The following ZMPSTE24 variants were observed in gnomAD, a reference collection of about 807,000 sequenced individuals.
ZMPSTE24 encodes the protein zinc metallopeptidase STE24, also known as CAAX prenyl protease 1 homolog.
A neutral mutation model predicts 56.7 loss-of-function variants in ZMPSTE24; 48 were observed. That is an observed-to-expected ratio of 0.85 (90% CI 0.67 to 1.08). The LOEUF is 1.08. Among genes scored for constraint, ZMPSTE24 ranks in the 50% least tolerant of loss-of-function variants. The pLI, the probability that ZMPSTE24 is intolerant of heterozygous loss-of-function variation, is 0.00. For missense variants in ZMPSTE24, 503 were observed against 548.7 expected (o/e 0.92, Z 0.83); for synonymous variants, 172 against 195.2 (o/e 0.88, Z 0.99).
intron 8 of ZMPSTE24, among the ~76,000 whole-genome samples, chr1:40,287,760 C>T (rs558133722): frequency 2.6e-5 from 4 of 152,030 alleles, no homozygotes; most frequent in African/African-American, 7.2e-5. Context: ...TTCCTCTTCT[C>T]GGTTCTAGAA....
chr1:40,259,845 C>T (rs1040119157), intron 1 of ZMPSTE24, among the ~76,000 whole-genome samples: 2 of 151,848 alleles, frequency 1.3e-5, no homozygotes, highest in Non-Finnish European at 2.9e-5. Context: ...GTCATCTTGC[C>T]GCCTCCACCT....
At chr1:40,281,564 T>G in intron 7 of ZMPSTE24, 37 bp downstream of exon 7, 1 of 1,594,844 alleles carries the variant, frequency 6.3e-7, no homozygotes. Flanking sequence ...TACCTTAGTT[T>G]TTATACACAG....
intron 9 of ZMPSTE24, among the ~76,000 whole-genome samples, chr1:40,291,880 TC>T (rs1643847623): frequency 6.7e-6 from 1 of 149,346 alleles, no homozygotes; most frequent in African/African-American, 2.5e-5. Context: ...TCGCTCTGTC[TC>T]CCAGGCTGGA....
chr1:40,282,482 G>C lies in ZMPSTE24; in HGVS notation c.954+955G>C, dbSNP rs75896875. 4.2e-3 allele frequency among the ~76,000 whole-genome samples: 634 copies of C among 152,228 alleles called. 6 individuals are homozygous for C. The highest frequency in any genetic ancestry group is 0.015 in the African/African-American group (605 of 41,566). On this transcript the variant is annotated intron_variant, in intron 7 of 9. Coordinates refer to ENST00000372759, the MANE Select transcript of ZMPSTE24 (RefSeq NM_005857.5). The stretch of plus-strand genomic sequence containing the variant: ...GTTCACTCACTGTCTGTGTAACTCT[G>C]TGCAAGTAAGTTAAGCTTTCATTTA...
In ZMPSTE24 at chr1:40,285,922, C is replaced by T. The variant is rs1643782460; in HGVS notation, c.955-3C>T. On this transcript the variant is annotated splice_polypyrimidine_tract_variant and splice_region_variant and intron_variant, in intron 7 of 9. Coordinates refer to ENST00000372759, the MANE Select transcript of ZMPSTE24 (RefSeq NM_005857.5). ...AATTTATTTTTGATTTTTTTTTATT[C>T]AGAATAAGAAACAAGGATGTAAAAA... 1 of 1,607,584 alleles carries T rather than the reference C, an allele frequency of 6.2e-7. No individual in the cohort carries two copies. Among genetic ancestry groups the T allele is most frequent in the Non-Finnish European group, 8.5e-7 (1 of 1,176,380 alleles).
At chr1:40,276,695 G>C (rs891996287) in intron 6 of ZMPSTE24, among the ~76,000 whole-genome samples, 4 of 152,116 alleles carry the variant, frequency 2.6e-5, no homozygotes, top group African/African-American at 9.7e-5. Flanking sequence ...TGAGAAATGC[G>C]CCATTAGGCT....
chr1:40,292,536 A>G lies in ZMPSTE24; in HGVS notation c.1295A>G (p.Tyr432Cys). The change falls in exon 10 of 10, where the codon TAT becomes TGT. Residue 432 changes from tyrosine to cysteine, a missense_variant. Physicochemically the swap from Tyr to Cys is radical, Grantham distance 194 (BLOSUM62 -2). Coordinates refer to ENST00000372759, the MANE Select transcript of ZMPSTE24 (RefSeq NM_005857.5). The part of the protein sequence containing the change: ...AKKLGKAKDL[Y>C]SALIKLNKDN... The stretch of plus-strand genomic sequence containing the variant: ...AAACTTGGGAAGGCTAAAGACTTAT[A>G]TTCTGCTTTAATCAAACTTAACAAA... The G allele has an allele frequency of 1.2e-6, 2 of 1,614,132 alleles. No homozygotes were observed. Among genetic ancestry groups the G allele is most frequent in the South Asian group, 1.1e-5 (1 of 91,078 alleles).
chr1:40,266,406 T>G (rs1171281012), intron 2 of ZMPSTE24, among the ~76,000 whole-genome samples: 1 of 152,202 alleles, frequency 6.6e-6, no homozygotes, highest in Non-Finnish European at 1.5e-5. Flanking sequence ...GGCGGTAGAA[T>G]TCTTAAACAT....
In ZMPSTE24 at chr1:40,280,973, C is replaced by T. The variant is rs116668694; in HGVS notation, c.770-370C>T. ...CTTGACGATAATGGAACCTGATATACGTGAAGTTTTGTATCCTTCACAATA... is the reference window on the plus strand; with the variant it reads ...CTTGACGATAATGGAACCTGATATATGTGAAGTTTTGTATCCTTCACAATA... On this transcript the variant is annotated intron_variant, in intron 6 of 9. Transcript: ENST00000372759. 1.6e-3 allele frequency among the ~76,000 whole-genome samples: 244 copies of T among 152,254 alleles called. 1 individual carries two copies. Among genetic ancestry groups the T allele is most frequent in the African/African-American group, 5.5e-3 (227 of 41,562 alleles).
chr1:40,267,116 A>G (rs1643557616), intron 2 of ZMPSTE24, among the ~76,000 whole-genome samples: 1 of 151,940 alleles, frequency 6.6e-6, no homozygotes, highest in South Asian at 2.1e-4. Context: ...GTCTTTTGAC[A>G]AAAGGTTTTT....
In ZMPSTE24 at chr1:40,290,875, T is replaced by C; in HGVS notation, c.1081T>C (p.Phe361Leu). 2 of 1,614,042 alleles carry C rather than the reference T, an allele frequency of 1.2e-6. No homozygotes were observed. Among genetic ancestry groups the C allele is most frequent in the Non-Finnish European group, 1.7e-6 (2 of 1,180,004 alleles). Reference protein sequence around the residue: ...ISQMNSFLCFFLFAVLIGRKE... With the variant: ...ISQMNSFLCFLLFAVLIGRKE... Reference sequence around the variant, plus strand: ...CTAGATGAATTCTTTCCTGTGTTTTTTTTTATTTGCTGTATTAATTGGTCG... The same window carrying C: ...CTAGATGAATTCTTTCCTGTGTTTTCTTTTATTTGCTGTATTAATTGGTCG... The change falls in exon 9 of 10, where the codon TTT (phenylalanine) becomes CTT (leucine). Residue 361 changes from phenylalanine (F) to leucine (L), a missense_variant. Transcript: ENST00000372759.
intron 6 of ZMPSTE24, 86 bp from the exon 7 acceptor site, chr1:40,281,257 T>G (rs867608020): frequency 2.4e-6 from 3 of 1,265,648 alleles, no homozygotes; most frequent in Middle Eastern, 1.9e-4. Flanking sequence ...TTAATGTCCT[T>G]TCCAGTAATT....
intron 2 of ZMPSTE24, among the ~76,000 whole-genome samples, chr1:40,265,491 G>C (rs1643539607): frequency 6.6e-6 from 1 of 152,110 alleles, no homozygotes; most frequent in Non-Finnish European, 1.5e-5. Flanking sequence ...CACAGTGAGA[G>C]GACTGCTTGA....
At chr1:40,292,339 A>G (rs1211906826) in intron 9 of ZMPSTE24, 106 bp from the exon 10 acceptor site, 1 of 1,039,102 alleles carries the variant, frequency 9.6e-7, no homozygotes, top group Non-Finnish European at 1.5e-6. Flanking sequence ...TTGTCCTGCC[A>G]TTCCTCTTAT....
At chr1:40,275,752 C>CAAA (rs34281343) in intron 6 of ZMPSTE24, among the ~76,000 whole-genome samples, 254 of 60,700 alleles carry the variant, frequency 4.2e-3, no homozygotes, top group Non-Finnish European at 4.6e-3. Context: ...GACCCTGTCT[C>CAAA]AAAAAAAAAA....
chr1:40,271,424 T>C (rs1643613116), intron 5 of ZMPSTE24, among the ~76,000 whole-genome samples: 1 of 152,230 alleles, frequency 6.6e-6, no homozygotes, highest in Non-Finnish European at 1.5e-5. Context: ...TGTACAATTA[T>C]GAACTACAGG....
chr1:40,271,854 A>G (rs1643616802), intron 5 of ZMPSTE24, 40 bp from the exon 6 acceptor site: 1 of 1,607,090 alleles, frequency 6.2e-7, no homozygotes, highest in Non-Finnish European at 8.5e-7. Flanking sequence ...TTTTTTCTTT[A>G]AGAACATGTT....
At position 40,258,324 on chromosome 1, in the gene ZMPSTE24, G is replaced by GT. The variant is rs281875361; in HGVS notation, c.54dup (p.Ile19TyrfsTer28). ...TTGTGGGAGATGCCGGCCGAGAAGC[G>GT]TATCTTCGGGGCCGTGCTGCTCTTT... On this transcript the variant is annotated frameshift_variant, in exon 1 of 10. Coordinates refer to ENST00000372759, the MANE Select transcript of ZMPSTE24 (RefSeq NM_005857.5). LOFTEE classifies it high-confidence loss of function. 58 of 1,614,024 alleles carry GT rather than the reference G, an allele frequency of 3.6e-5. No homozygotes were observed. The highest frequency in any genetic ancestry group is 2.6e-5 in the Non-Finnish European group (31 of 1,180,048).
chr1:40,274,506 C>T (rs1326079949), intron 6 of ZMPSTE24, among the ~76,000 whole-genome samples: 1 of 152,094 alleles, frequency 6.6e-6, no homozygotes, highest in African/African-American at 2.4e-5. Flanking sequence ...GAGGAGCCGC[C>T]CATTTGACGT....
Sources: allele counts gnomAD v4.1 joint callset (sites outside exome capture counted in the v4.1 genomes callset), GRCh38; gene constraint gnomAD v4.1.1; transcripts MANE v1.5; gene names NCBI Gene and HGNC (gene_info 2026-07-23, HGNC 2026-07-21).